Variants in L3MBTL3 observed in about 807,000 individuals in gnomAD.
L3MBTL3 encodes lethal(3)malignant brain tumor-like protein 3.
Under a neutral mutation model 102.3 loss-of-function variants are expected in L3MBTL3, and 27 were observed. That is an observed-to-expected ratio of 0.26 (90% CI 0.19 to 0.36). L3MBTL3 has a LOEUF of 0.36. L3MBTL3 is among the 10% of genes least tolerant of loss of function. The pLI is 1.00. For synonymous variants in L3MBTL3, 340 were observed against 320.9 expected, an observed-to-expected ratio of 1.06 and a Z score of -0.64; for missense variants, 798 against 955.3, an observed-to-expected ratio of 0.84 and a Z score of 2.17.
In L3MBTL3 at chr6:130,106,585, G is replaced by A. The variant is rs1473012494; in HGVS notation, c.1886+2010G>A. Among the ~76,000 whole-genome samples the A allele has an allele frequency of 2.6e-5, 4 of 152,298 alleles. No homozygotes were observed. In the East Asian group the frequency reaches 7.7e-4, roughly 29 times the overall value. On this transcript the variant is annotated intron_variant, in intron 19 of 22. Coordinates refer to ENST00000361794, the MANE Select transcript of L3MBTL3 (RefSeq NM_032438.4). ...GCAAGAAATGAAAATGTCCGAAGCA[G>A]CCTGTGAGCTAGTGATCTGCTGAAA...
chr6:130,039,725 A>AT (rs1326084260), intron 2 of L3MBTL3, among the ~76,000 whole-genome samples: 1 of 152,156 alleles, frequency 6.6e-6, no homozygotes, highest in Non-Finnish European at 1.5e-5. Context: ...CAAGAAATGC[A>AT]TTTTTTAAAC....
chr6:130,048,941 A>AACACACACACACACACACACACACAC (rs6149808), intron 3 of L3MBTL3, among the ~76,000 whole-genome samples: 109 of 78,518 alleles, frequency 1.4e-3, no homozygotes, highest in African/African-American at 2.8e-3. Context: ...TCTTAGTTAA[A>AACACACACACACACACACACACACAC]ACACACACAC....
chr6:130,098,644 T>C (rs1380828602), intron 18 of L3MBTL3, among the ~76,000 whole-genome samples: 3 of 152,202 alleles, frequency 2.0e-5, no homozygotes, highest in African/African-American at 7.2e-5. Flanking sequence ...TGACCTCATT[T>C]GGTCCTCACA....
At chr6:130,062,153 T>C (rs1008508494) in intron 10 of L3MBTL3, among the ~76,000 whole-genome samples, 1 of 152,190 alleles carries the variant, frequency 6.6e-6, no homozygotes, top group African/African-American at 2.4e-5. Context: ...CCCTATTTTT[T>C]ATTATAAAAG....
At chr6:130,118,920 T>G (rs1008293854) in intron 19 of L3MBTL3, among the ~76,000 whole-genome samples, 70 of 152,330 alleles carry the variant, frequency 4.6e-4, no homozygotes, top group African/African-American at 1.7e-3. Flanking sequence ...GATCTTTTTC[T>G]TGGAGTTCAG....
chr6:130,024,157 C>T (rs945773241), intron 2 of L3MBTL3, among the ~76,000 whole-genome samples: 4 of 152,020 alleles, frequency 2.6e-5, no homozygotes, highest in Admixed American at 1.3e-4. Context: ...AAATAGGTAA[C>T]TGGAGTAGTA....
At chr6:130,053,329 C>G (rs1781224156) in intron 7 of L3MBTL3, among the ~76,000 whole-genome samples, 1 of 152,112 alleles carries the variant, frequency 6.6e-6, no homozygotes, top group Non-Finnish European at 1.5e-5. Context: ...AAATTGCAGA[C>G]AGATCTCATA....
chr6:130,139,352 A>G (rs1173431000), intron 22 of L3MBTL3, among the ~76,000 whole-genome samples: 1 of 152,222 alleles, frequency 6.6e-6, no homozygotes, highest in Non-Finnish European at 1.5e-5. Flanking sequence ...GAGTAATCAC[A>G]GGAAGATATG....
At chr6:130,032,307 C>T (rs929326700) in intron 2 of L3MBTL3, among the ~76,000 whole-genome samples, 1 of 152,096 alleles carries the variant, frequency 6.6e-6, no homozygotes, top group Non-Finnish European at 1.5e-5. Context: ...CCTAGAGTAG[C>T]GTCTGCTGTT....
intron 19 of L3MBTL3, among the ~76,000 whole-genome samples, chr6:130,119,012 A>G (rs1785930682): frequency 6.6e-6 from 1 of 152,188 alleles, no homozygotes; most frequent in African/African-American, 2.4e-5. Flanking sequence ...TCTTTATTTT[A>G]ACAAAGCTTA....
At chr6:130,055,344 G>T (rs764431878) in intron 8 of L3MBTL3, 89 bp downstream of exon 8, 43 of 892,310 alleles carry the variant, frequency 4.8e-5, no homozygotes, top group Non-Finnish European at 7.2e-5. Context: ...GCCACTTAAA[G>T]TATTACTTCA....
chr6:130,124,887 T>C (rs956006880), intron 20 of L3MBTL3, among the ~76,000 whole-genome samples: 13 of 152,032 alleles, frequency 8.6e-5, no homozygotes, highest in Admixed American at 8.5e-4. Flanking sequence ...GGAGAATCAC[T>C]TGAACCTGGG....
At chr6:130,074,495 C>T (rs750097997) in intron 13 of L3MBTL3, among the ~76,000 whole-genome samples, 2 of 152,144 alleles carry the variant, frequency 1.3e-5, no homozygotes, top group African/African-American at 2.4e-5. Flanking sequence ...ACTTTAGGGA[C>T]CCAGGAAGGT....
chr6:130,025,130 C>T (rs921285809), intron 2 of L3MBTL3, among the ~76,000 whole-genome samples: 1 of 152,212 alleles, frequency 6.6e-6, no homozygotes, highest in Non-Finnish European at 1.5e-5. Context: ...TCTACACTAT[C>T]TTCCACTGTT....
chr6:130,099,792 G>C (rs1002725623), intron 18 of L3MBTL3, among the ~76,000 whole-genome samples: 2 of 152,256 alleles, frequency 1.3e-5, no homozygotes, highest in Admixed American at 6.5e-5. Context: ...TAACTTCTTT[G>C]TGCCGGTGTC....
chr6:130,039,140 G>T (rs1780251211), intron 2 of L3MBTL3, among the ~76,000 whole-genome samples: 1 of 151,950 alleles, frequency 6.6e-6, no homozygotes, highest in African/African-American at 2.4e-5. Context: ...AACTATCATG[G>T]ACCCTTCACA....
Position 130,030,665 on chromosome 6 carries a change from T to TAAAAA in L3MBTL3, c.-16+8385_-16+8389dup, listed in dbSNP as rs548921467. Among the ~76,000 whole-genome samples the TAAAAA allele has an allele frequency of 3.5e-4, 17 of 48,538 alleles. No individual in the cohort carries two copies. The East Asian group carries it at 8.6e-3, about 24-fold the overall frequency. 31.8% of individuals were successfully genotyped at this position (48,538 alleles called of 152,430 possible). On this transcript the variant is annotated intron_variant, in intron 2 of 22. Coordinates refer to ENST00000361794, the MANE Select transcript of L3MBTL3 (RefSeq NM_032438.4). ...CTGGGTGACACAGCAAGACTCTACC[T>TAAAAA]AAAAAAAAAAAAAAAAAAAAAAAAA... is the stretch of plus-strand genomic sequence containing the variant.
chr6:130,027,256 C>A (rs2114504466), intron 2 of L3MBTL3, among the ~76,000 whole-genome samples: 1 of 152,188 alleles, frequency 6.6e-6, no homozygotes, highest in East Asian at 1.9e-4. Flanking sequence ...TGTTGAAGTT[C>A]TATTTAAAAC....
In L3MBTL3 at chr6:130,139,849, C is replaced by T; in HGVS notation, c.*96C>T. The T allele has an allele frequency of 9.0e-7, 1 of 1,108,324 alleles. No individual in the cohort carries two copies. The allele number at this position is 1,108,324 out of a possible 1,614,324, so 68.7% of individuals were successfully genotyped here. The stretch of plus-strand genomic sequence containing the variant: ...TTATAACTCCTAAGTGAGAAGTCTC[C>T]AAAACTCAAAAGAGCAACACTATCG... On this transcript the variant is annotated 3_prime_UTR_variant, in exon 23 of 23. Transcript: ENST00000361794.
Sources: gnomAD v4.1 joint callset for allele counts (sites outside exome capture counted in the v4.1 genomes callset) on GRCh38, gnomAD v4.1.1 for gene constraint, MANE v1.5 for transcripts, NCBI Gene and HGNC (gene_info 2026-07-23, HGNC 2026-07-21) for gene names.